The following UBR4 variants were observed in gnomAD, a reference collection of about 807,000 sequenced individuals.
UBR4 encodes ubiquitin protein ligase E3 component n-recognin 4.
UBR4 carries 124 observed loss-of-function variants against 575.6 expected under a neutral mutation model. The observed-to-expected ratio is 0.22, with a 90% confidence interval of 0.19 to 0.25. The LOEUF (loss-of-function observed/expected upper bound fraction) is 0.25. Ranked by LOEUF, UBR4 falls within the 10% of genes least tolerant of loss-of-function variation. The probability of loss-of-function intolerance (pLI) is 1.00; values close to 1 mark genes in which losing one functional copy is unlikely to be tolerated. For synonymous variants in UBR4, 2,455 were observed against 2,473.7 expected (o/e 0.99, Z 0.22); for missense variants, 4,818 against 6,478.8 (o/e 0.74, Z 8.80).
At chr1:19,124,974 G>C (rs1404067149) in intron 64 of UBR4, among the ~76,000 whole-genome samples, 1 of 151,568 alleles carries the variant, frequency 6.6e-6, no homozygotes, top group African/African-American at 2.4e-5. Context: ...ATTGTACTCT[G>C]CCTACATAAA....
rs1197095096 is a variant in UBR4, at chr1:19,088,309, T to C, written c.14431-380A>G. 1.3e-5 allele frequency among the ~76,000 whole-genome samples: 2 copies of C among 152,230 alleles called. No homozygotes were observed. The highest frequency in any genetic ancestry group is 4.8e-5 in the African/African-American group (2 of 41,462). ...CTTTTCAACTGCTGACACTCAAGTC[T>C]GTGCTTTGGAAAAGGAGCTTGTAGG... On this transcript the variant is annotated intron_variant, in intron 98 of 105. Coordinates refer to ENST00000375254, the MANE Select transcript of UBR4 (RefSeq NM_020765.3). The surrounding 1 kb of genome is among the most constrained non-coding windows in gnomAD (Gnocchi z 4.0).
rs1433350831 is a variant in UBR4 at position 19,150,720 on chromosome 1, C to T, written c.7287G>A (p.Gln2429=). The T allele has an allele frequency of 6.2e-7, 1 of 1,614,100 alleles. No homozygotes were observed. ...CTGGGGGCTCATCAGGCCAGCCAAA[C>T]TGCTCCTTAGTCTTGCCATAAATTT... ...AVKIYGKTKE[Q]FGWPDEPPEE... The change falls in exon 49 of 106, where the codon CAG becomes CAA. Residue 2429 remains glutamine (Q), a synonymous_variant. Coordinates refer to ENST00000375254, the MANE Select transcript of UBR4 (RefSeq NM_020765.3).
intron 41 of UBR4, 72 bp downstream of exon 41, chr1:19,156,695 T>C (rs1415828896): frequency 1.3e-6 from 2 of 1,534,920 alleles, no homozygotes; most frequent in Non-Finnish European, 1.8e-6. Context: ...AAAAAGTAGT[T>C]CTGAGAACAG....
chr1:19,182,341 T>G (rs2091054674), intron 17 of UBR4, among the ~76,000 whole-genome samples: 1 of 102,672 alleles, frequency 9.7e-6, no homozygotes, highest in Non-Finnish European at 2.1e-5. Flanking sequence ...ATATAGTAAT[T>G]CTATTTTTTT....
Position 19,150,634 on chromosome 1 carries a change from C to A in UBR4, c.7373G>T (p.Gly2458Val), listed in dbSNP as rs1270031682. Residue 2458 changes from glycine (G) to valine (V), a missense_variant, in exon 49 of 106, where the codon GGC becomes GTC. By Grantham distance (109) the Gly-to-Val change is moderately radical (BLOSUM62 -3). Coordinates refer to ENST00000375254, the MANE Select transcript of UBR4 (RefSeq NM_020765.3). ...GGCAGCTGAGTCGCTATCTCCAGTG[C>A]CGTTGCTCTGGTTCAGATTTGAAGG... is the stretch of plus-strand genomic sequence containing the variant. ...ICPSNLNQSN[G>V]TGDSDSAAPT... The A allele has an allele frequency of 6.2e-7, 1 of 1,614,002 alleles. No homozygotes were observed. Among genetic ancestry groups the A allele is most frequent in the Admixed American group, 1.7e-5 (1 of 60,024 alleles).
chr1:19,207,441 C>T (rs1199240138), intron 1 of UBR4, among the ~76,000 whole-genome samples: 1 of 152,176 alleles, frequency 6.6e-6, no homozygotes, highest in Non-Finnish European at 1.5e-5. Context: ...CCAGCCTGAC[C>T]AGCATGGTGA....
At chr1:19,204,155 C>T (rs1198361591) in intron 1 of UBR4, among the ~76,000 whole-genome samples, 2 of 152,048 alleles carry the variant, frequency 1.3e-5, no homozygotes, top group South Asian at 2.1e-4. Flanking sequence ...CGTGCCACCA[C>T]GCCTGGCTAA....
At position 19,074,876 on chromosome 1, in the gene UBR4, CG is replaced by C; in HGVS notation, c.15507del (p.Asp5170IlefsTer6). 1 of 1,614,008 alleles carries C rather than the reference CG, an allele frequency of 6.2e-7. No homozygotes were observed. Among genetic ancestry groups the C allele is most frequent in the Non-Finnish European group, 8.5e-7 (1 of 1,179,940 alleles). On this transcript the variant is annotated frameshift_variant, in exon 106 of 106. Transcript: ENST00000375254. LOFTEE classifies it high-confidence loss of function. ...LDVAGLLSEITDPESFLKDLL... is the reference protein window; with the variant it reads ...LDVAGLLSEIXDPESFLKDLL... ...AGGTCCTTCAGGAAGCTCTCTGGAT[CG>C]GTGATTTCTGATAAAAGACCTGCAA...
Position 19,185,328 on chromosome 1 carries a change from A to G in UBR4, c.1751-42T>C, listed in dbSNP as rs777206984. The stretch of plus-strand genomic sequence containing the variant: ...AAAGTAACGAAAATAAATATTTTTT[A>G]AAAGTGTTTTTGGTGCATCTGCTTC... On this transcript the variant is annotated intron_variant, in intron 14 of 105. Transcript: ENST00000375254. The G allele has an allele frequency of 1.8e-5, 27 of 1,502,424 alleles. No individual in the cohort carries two copies. In the South Asian group the frequency reaches 3.6e-4, roughly 20 times the overall value. 93.1% of individuals were successfully genotyped at this position (1,502,424 alleles called of 1,614,324 possible). A position where few individuals can be genotyped will look rare whatever the true frequency, so the allele number is the denominator to read the frequency against.
chr1:19,166,503 C>A (rs112399939), intron 29 of UBR4, among the ~76,000 whole-genome samples: 2 of 152,042 alleles, frequency 1.3e-5, no homozygotes, highest in East Asian at 3.8e-4. Context: ...TCACAAAAAA[C>A]GACTCCAAAA....
intron 105 of UBR4, 102 bp from the exon 106 acceptor site, chr1:19,074,998 G>A (rs2075779910): frequency 4.8e-6 from 6 of 1,256,058 alleles, no homozygotes; most frequent in South Asian, 3.8e-5. Context: ...ACTGCGGTCC[G>A]ACAAGCTCTG....
At chr1:19,119,030 T>C in intron 70 of UBR4, 73 bp from the exon 71 acceptor site, 1 of 1,424,774 alleles carries the variant, frequency 7.0e-7, no homozygotes. Context: ...TTTTGTCTTC[T>C]GCATTCTAGC....
chr1:19,093,805 C>T lies in UBR4; in HGVS notation c.13937+144G>A. ...TACAGTATATTTTAACTATTCACTT[C>T]CCAACTAGACTGAGCTCCTTAAAAG... On this transcript the variant is annotated intron_variant, in intron 95 of 105. Transcript: ENST00000375254. The surrounding 1 kb of genome is among the most constrained non-coding windows in gnomAD (Gnocchi z 4.8). 1 of 979,174 alleles carries T rather than the reference C, an allele frequency of 1.0e-6. No individual in the cohort carries two copies. Among genetic ancestry groups the T allele is most frequent in the Admixed American group, 2.9e-5 (1 of 34,884 alleles). 60.7% of individuals were successfully genotyped at this position (979,174 alleles called of 1,614,324 possible). A position where few individuals can be genotyped will look rare whatever the true frequency, so the allele number is the denominator to read the frequency against.
chr1:19,122,592 C>G (rs554865903), intron 66 of UBR4, among the ~76,000 whole-genome samples: 2 of 152,328 alleles, frequency 1.3e-5, no homozygotes, highest in East Asian at 3.9e-4. Context: ...ACTCACCTCA[C>G]AGTGGAGGAA....
In UBR4 at chr1:19,114,946, G is replaced by A. The variant is rs2080318152; in HGVS notation, c.11067C>T (p.Ser3689=). ...AGGGATCCTTTTCATCGTAGTTGAT[G>A]GATCTGAGTAACCAAAGCGTTTGGG... ...ENVYQCHKCR[S]INYDEKDPFL... is the part of the protein sequence containing the mutation. The change falls in exon 75 of 106, where the codon TCC becomes TCT. Residue 3689 remains serine (S), a synonymous_variant. Coordinates refer to ENST00000375254, the MANE Select transcript of UBR4 (RefSeq NM_020765.3). 2.5e-6 allele frequency: 4 copies of A among 1,614,102 alleles called. No individual in the cohort carries two copies. The highest frequency in any genetic ancestry group is 3.4e-6 in the Non-Finnish European group (4 of 1,180,038).
chr1:19,194,331 A>C (rs1373192769), intron 8 of UBR4, among the ~76,000 whole-genome samples: 2 of 152,186 alleles, frequency 1.3e-5, no homozygotes, highest in African/African-American at 4.8e-5. Flanking sequence ...TGCTTTAAAA[A>C]TAAAATCTAA....
intron 71 of UBR4, chr1:19,118,531 C>T (rs1349436422): frequency 2.6e-5 from 6 of 226,754 alleles, no homozygotes; most frequent in Non-Finnish European, 5.2e-5. Context: ...AGCCATCCTC[C>T]TGCCTCAGCC....
chr1:19,085,261 C>T (rs890141621), intron 101 of UBR4, among the ~76,000 whole-genome samples: 2 of 152,214 alleles, frequency 1.3e-5, no homozygotes, highest in East Asian at 1.9e-4. Flanking sequence ...GTGGCTCACA[C>T]GTGTAATCCC....
At chr1:19,180,339 C>T (rs983543518) in intron 17 of UBR4, among the ~76,000 whole-genome samples, 1 of 152,018 alleles carries the variant, frequency 6.6e-6, no homozygotes, top group East Asian at 1.9e-4. Flanking sequence ...CAAGCGTGTG[C>T]CACCATGCCT....
Sources: allele counts gnomAD v4.1 joint callset (sites outside exome capture counted in the v4.1 genomes callset), GRCh38; gene constraint gnomAD v4.1.1; non-coding constraint Gnocchi (gnomAD v3.1); transcripts MANE v1.5; gene names NCBI Gene and HGNC (gene_info 2026-07-23, HGNC 2026-07-21).